SPAG16: variants seen among roughly 807,000 people sequenced by gnomAD.
The protein encoded by SPAG16 is sperm associated antigen 16.
SPAG16 carries 86 observed loss-of-function variants against 80.4 expected under a neutral mutation model. The ratio of observed to expected loss-of-function variants is 1.07; its 90% CI spans 0.90 to 1.28. The LOEUF (loss-of-function observed/expected upper bound fraction) is 1.28, where lower values mean the gene tolerates loss of function less well. Ranked by LOEUF, SPAG16 falls within the 50% of genes most tolerant of loss-of-function variation. SPAG16 has a pLI of 0.00. For synonymous variants in SPAG16, 294 were observed against 265.9 expected, an observed-to-expected ratio of 1.11 and a Z score of -1.03; for missense variants, 870 against 765.3, an observed-to-expected ratio of 1.14 and a Z score of -1.61.
rs1006789329 is a variant in SPAG16, at chr2:214,342,238, CAG to C, written c.1721-67901_1721-67900del. Among the ~76,000 whole-genome samples, 17 of 152,288 alleles carry C rather than the reference CAG, an allele frequency of 1.1e-4. No individual in the cohort carries two copies. The East Asian group carries it at 3.1e-3, about 28-fold the overall frequency. ...GTTACTAAAGCAGGGGTTCCCAAAG[CAG>C]GGGTTCCCAAACCCATGACCATGGA... On this transcript the variant is annotated intron_variant, in intron 15 of 15. Transcript: ENST00000331683.
At chr2:213,943,381 G>T (rs1296060023) in intron 12 of SPAG16, among the ~76,000 whole-genome samples, 2 of 152,076 alleles carry the variant, frequency 1.3e-5, no homozygotes, top group Non-Finnish European at 2.9e-5. Context: ...GAGCTAGAAA[G>T]GTCTCTTTCT....
intron 3 of SPAG16, among the ~76,000 whole-genome samples, chr2:213,301,737 A>G (rs1022899846): frequency 2.6e-5 from 4 of 151,990 alleles, no homozygotes; most frequent in Non-Finnish European, 5.9e-5. Flanking sequence ...CAATGTGTCT[A>G]CCCTTCCACC....
At chr2:214,278,455 A>T (rs1336817207) in intron 15 of SPAG16, among the ~76,000 whole-genome samples, 3 of 152,012 alleles carry the variant, frequency 2.0e-5, no homozygotes, top group African/African-American at 7.2e-5. Context: ...TTAGAACCGG[A>T]CCACATCCTC....
intron 10 of SPAG16, among the ~76,000 whole-genome samples, chr2:213,753,945 G>A (rs2068201694): frequency 6.6e-6 from 1 of 152,166 alleles, no homozygotes; most frequent in Non-Finnish European, 1.5e-5. Context: ...GATAATTCCA[G>A]TTGCATGTTC....
intron 10 of SPAG16, among the ~76,000 whole-genome samples, chr2:213,533,209 A>C (rs148839523): frequency 0.02 from 3,064 of 152,264 alleles, 43 homozygotes; most frequent in Middle Eastern, 0.051. Context: ...CACAACACTA[A>C]TTCATATATG....
intron 15 of SPAG16, among the ~76,000 whole-genome samples, chr2:214,318,152 C>T (rs1004073158): frequency 3.3e-5 from 5 of 152,098 alleles, no homozygotes; most frequent in Admixed American, 6.5e-5. Context: ...AATCTGGAAG[C>T]GTCTGTTGCA....
At chr2:214,365,137 G>GGC (rs1207000592) in intron 15 of SPAG16, among the ~76,000 whole-genome samples, 1 of 152,148 alleles carries the variant, frequency 6.6e-6, no homozygotes, top group East Asian at 1.9e-4. Context: ...AGTGACAGAA[G>GGC]GCGCGCTCCT....
At chr2:214,267,310 G>A (rs1241577489) in intron 15 of SPAG16, among the ~76,000 whole-genome samples, 1 of 151,758 alleles carries the variant, frequency 6.6e-6, no homozygotes, top group Admixed American at 6.6e-5. Context: ...ATTGACCAGT[G>A]GAATAGGATA....
chr2:213,915,780 C>T (rs777684477), intron 11 of SPAG16, among the ~76,000 whole-genome samples: 6 of 152,186 alleles, frequency 3.9e-5, no homozygotes, highest in Non-Finnish European at 8.8e-5. Context: ...TCTCCAGCAT[C>T]TGTTGTTTCC....
chr2:213,840,308 A>G lies in SPAG16; in HGVS notation c.1071-22177A>G, dbSNP rs549029899. On this transcript the variant is annotated intron_variant, in intron 10 of 15. Transcript: ENST00000331683. ...GACAAAACCATCCAGAAGACATTAT[A>G]CTGTTCAGTTAGCTGGATAAGAGGC... Among the ~76,000 whole-genome samples, 4 of 152,280 alleles carry G rather than the reference A, an allele frequency of 2.6e-5. No individual in the cohort carries two copies. In the South Asian group the frequency reaches 8.3e-4, roughly 32 times the overall value.
At chr2:213,440,901 G>T (rs1297030855) in intron 9 of SPAG16, among the ~76,000 whole-genome samples, 1 of 152,174 alleles carries the variant, frequency 6.6e-6, no homozygotes, top group Admixed American at 6.5e-5. Context: ...GAATTAGGTT[G>T]CATTATAACT....
At chr2:214,377,659 G>A (rs190606474) in intron 15 of SPAG16, among the ~76,000 whole-genome samples, 21 of 152,224 alleles carry the variant, frequency 1.4e-4, no homozygotes, top group African/African-American at 3.9e-4. Context: ...TTAAGTTCTG[G>A]GGTAGTCAAA....
At chr2:213,951,561 A>G (rs371300565) in intron 12 of SPAG16, among the ~76,000 whole-genome samples, 409 of 152,316 alleles carry the variant, frequency 2.7e-3, no homozygotes, top group African/African-American at 9.4e-3. Flanking sequence ...AGGCAAAAGA[A>G]TGACTGAGCC....
At chr2:213,919,590 A>G (rs1471889862) in intron 11 of SPAG16, among the ~76,000 whole-genome samples, 6 of 152,078 alleles carry the variant, frequency 3.9e-5, no homozygotes, top group African/African-American at 1.2e-4. Flanking sequence ...TTTCCATGTA[A>G]TTGTATGTTT....
intron 9 of SPAG16, among the ~76,000 whole-genome samples, chr2:213,463,842 T>G (rs2072522457): frequency 6.6e-6 from 1 of 152,196 alleles, no homozygotes; most frequent in African/African-American, 2.4e-5. Context: ...GTTCAGCAAG[T>G]GCGAGGGAGT....
intron 10 of SPAG16, among the ~76,000 whole-genome samples, chr2:213,632,027 T>C (rs1019128044): frequency 6.6e-6 from 1 of 152,132 alleles, no homozygotes; most frequent in Non-Finnish European, 1.5e-5. Flanking sequence ...AGAATGTAAT[T>C]GGTATTTTCG....
chr2:214,317,844 A>G (rs1695797642), intron 15 of SPAG16, among the ~76,000 whole-genome samples: 1 of 152,208 alleles, frequency 6.6e-6, no homozygotes, highest in Admixed American at 6.5e-5. Context: ...ATTAGTCAGA[A>G]CTGCATCACA....
Position 213,635,237 on chromosome 2 carries a change from A to G in SPAG16, c.1070+145147A>G, listed in dbSNP as rs368984115. ...TTTGTAATAGAGATGGGGTTTCACC[A>G]TGCTAGCCAGGATGGTCTCGATCTC... On this transcript the variant is annotated intron_variant, in intron 10 of 15. Coordinates refer to ENST00000331683, the MANE Select transcript of SPAG16 (RefSeq NM_024532.5). Among the ~76,000 whole-genome samples the G allele has an allele frequency of 4.6e-5, 7 of 152,028 alleles. No individual in the cohort carries two copies. In the South Asian group the frequency reaches 1.2e-3, roughly 27 times the overall value.
chr2:213,611,968 C>T (rs2061452063), intron 10 of SPAG16, among the ~76,000 whole-genome samples: 3 of 151,998 alleles, frequency 2.0e-5, no homozygotes, highest in South Asian at 4.1e-4. Flanking sequence ...CTATGAAAAC[C>T]AAGAATCAAT....
Sources: gnomAD v4.1 joint callset for allele counts (sites outside exome capture counted in the v4.1 genomes callset) on GRCh38, gnomAD v4.1.1 for gene constraint, MANE v1.5 for transcripts, NCBI Gene and HGNC (gene_info 2026-07-23, HGNC 2026-07-21) for gene names.